Variants in TMCC1 observed in about 807,000 individuals in gnomAD.
TMCC1 encodes the protein transmembrane and coiled-coil domain family 1, also known as transmembrane and coiled-coil domains protein 1.
A neutral mutation model predicts 52.4 loss-of-function variants in TMCC1; 15 were observed. The observed-to-expected ratio is 0.29, with a 90% CI of 0.19 to 0.44. The LOEUF (loss-of-function observed/expected upper bound fraction) is 0.44. Ranked by LOEUF, TMCC1 falls within the 20% of genes least tolerant of loss-of-function variation. The probability of loss-of-function intolerance (pLI) is 1.00; values close to 1 mark genes in which losing one functional copy is unlikely to be tolerated. For synonymous variants in TMCC1, 279 were observed against 301.9 expected (o/e 0.92, Z 0.79); for missense variants, 503 against 806.0 (o/e 0.62, Z 4.55).
At chr3:129,852,859 G>C (rs1465622304) in intron 2 of TMCC1, among the ~76,000 whole-genome samples, 1 of 152,164 alleles carries the variant, frequency 6.6e-6, no homozygotes, top group East Asian at 1.9e-4. Flanking sequence ...ATGTATTTCT[G>C]AGTAGTGAGG....
intron 4 of TMCC1, among the ~76,000 whole-genome samples, chr3:129,783,392 G>C (rs770163454): frequency 5.9e-5 from 9 of 152,118 alleles, no homozygotes; most frequent in Non-Finnish European, 1.3e-4. Context: ...CATGTAGTTA[G>C]AACACAGAAA....
At chr3:129,863,256 C>A (rs935218936) in intron 2 of TMCC1, among the ~76,000 whole-genome samples, 1 of 152,088 alleles carries the variant, frequency 6.6e-6, no homozygotes, top group African/African-American at 2.4e-5. Context: ...GGAAATTATA[C>A]CTCAATTTTA....
At chr3:129,862,624 A>T (rs984986719) in intron 2 of TMCC1, among the ~76,000 whole-genome samples, 5 of 152,222 alleles carry the variant, frequency 3.3e-5, no homozygotes, top group Non-Finnish European at 7.3e-5. Flanking sequence ...TAAATATTAG[A>T]TGGAAACAAA....
At chr3:129,786,982 T>C (rs1463086067) in intron 4 of TMCC1, among the ~76,000 whole-genome samples, 1 of 152,230 alleles carries the variant, frequency 6.6e-6, no homozygotes, top group Non-Finnish European at 1.5e-5. Context: ...ATTAAAGTCT[T>C]GAATTTATTT....
At chr3:129,655,300 C>T (rs80088158) in intron 5 of TMCC1, among the ~76,000 whole-genome samples, 197 bp from the exon 6 acceptor site, 4 of 152,180 alleles carry the variant, frequency 2.6e-5, no homozygotes, top group African/African-American at 9.6e-5. Flanking sequence ...GGCCAAATCA[C>T]GTGGCAACAT....
intron 4 of TMCC1, among the ~76,000 whole-genome samples, chr3:129,756,100 G>GAAAA (rs764626470): frequency 2.0e-5 from 1 of 50,212 alleles, no homozygotes; most frequent in African/African-American, 7.8e-5. Flanking sequence ...TCCATCTCAA[G>GAAAA]AAAAAAAAAA....
intron 4 of TMCC1, among the ~76,000 whole-genome samples, chr3:129,693,714 C>T (rs563379930): frequency 6.6e-6 from 1 of 152,152 alleles, no homozygotes; most frequent in South Asian, 2.1e-4. Context: ...TCTCCTTAAA[C>T]TACTTCTAAC....
intron 5 of TMCC1, among the ~76,000 whole-genome samples, chr3:129,658,338 C>G (rs1272939114): frequency 6.6e-6 from 1 of 152,204 alleles, no homozygotes. Context: ...CTGTTGTTAT[C>G]CTTTCCTCAT....
At chr3:129,868,140 G>GA (rs11391554) in intron 2 of TMCC1, among the ~76,000 whole-genome samples, 147,604 of 152,158 alleles carry the variant, frequency 0.97, 71,729 homozygotes, top group Non-Finnish European at 1. Flanking sequence ...GCAGAGGGGG[G>GA]AAAAACCATA....
At chr3:129,891,705 A>G (rs547669043) in intron 1 of TMCC1, among the ~76,000 whole-genome samples, 16 of 152,210 alleles carry the variant, frequency 1.1e-4, no homozygotes, top group Non-Finnish European at 1.9e-4. Context: ...TTTTGTCCCA[A>G]CAATGTAGCC....
chr3:129,818,967 G>C (rs2058270535), intron 4 of TMCC1: 1 of 153,018 alleles, frequency 6.5e-6, no homozygotes, highest in African/African-American at 2.4e-5. Context: ...ACAACTAATT[G>C]ATCACAACCA....
chr3:129,842,658 TAAAAG>T (rs1335103503), intron 2 of TMCC1, among the ~76,000 whole-genome samples: 3 of 152,108 alleles, frequency 2.0e-5, no homozygotes, highest in East Asian at 1.9e-4. Context: ...TTCTGTGCCA[TAAAAG>T]AAATCTTCAA....
At chr3:129,752,047 A>G (rs919037588) in intron 4 of TMCC1, among the ~76,000 whole-genome samples, 1 of 152,202 alleles carries the variant, frequency 6.6e-6, no homozygotes, top group Non-Finnish European at 1.5e-5. Context: ...AAAAGTTTGC[A>G]CTAACTTAGA....
chr3:129,656,510 T>C (rs1403100357), intron 5 of TMCC1: 1 of 151,932 alleles, frequency 6.6e-6, no homozygotes, highest in Non-Finnish European at 1.5e-5. Context: ...TTTTAAAGAA[T>C]ATAATGAATT....
intron 2 of TMCC1, among the ~76,000 whole-genome samples, chr3:129,859,858 T>C (rs1313166400): frequency 2.0e-5 from 3 of 152,154 alleles, no homozygotes; most frequent in East Asian, 1.9e-4. Flanking sequence ...TCAATAAATA[T>C]ATGTTTAAAC....
intron 4 of TMCC1, among the ~76,000 whole-genome samples, chr3:129,745,175 G>A (rs2051818398): frequency 6.6e-6 from 1 of 152,172 alleles, no homozygotes; most frequent in African/African-American, 2.4e-5. Flanking sequence ...CTACTAGGAA[G>A]ATTTTTATTC....
intron 4 of TMCC1, among the ~76,000 whole-genome samples, chr3:129,822,267 A>G (rs1441833896): frequency 2.0e-5 from 3 of 152,128 alleles, no homozygotes; most frequent in African/African-American, 7.2e-5. Context: ...ATGATGGCAA[A>G]AGTTGTTTAA....
At chr3:129,741,830 A>G (rs183654279) in intron 4 of TMCC1, among the ~76,000 whole-genome samples, 5 of 152,252 alleles carry the variant, frequency 3.3e-5, no homozygotes, top group South Asian at 2.1e-4. Flanking sequence ...CTACAACTTC[A>G]TTCTCTAATT....
At chr3:129,665,251 G>A (rs147624037) in intron 5 of TMCC1, among the ~76,000 whole-genome samples, 1 of 152,310 alleles carries the variant, frequency 6.6e-6, no homozygotes, top group East Asian at 1.9e-4. Context: ...AAAAAATAAT[G>A]TGTCAGTCAT....
Sources: gnomAD v4.1 joint callset for allele counts (sites outside exome capture counted in the v4.1 genomes callset) on GRCh38, gnomAD v4.1.1 for gene constraint, MANE v1.5 for transcripts, NCBI Gene and HGNC (gene_info 2026-07-23, HGNC 2026-07-21) for gene names.